The following ANKRD36C variants were observed in gnomAD, a reference collection of about 807,000 sequenced individuals.
ANKRD36C encodes ankyrin repeat domain-containing protein 36C.
ANKRD36C carries 61 observed loss-of-function variants against 276.4 expected under a neutral mutation model. That is an observed-to-expected ratio of 0.22 (90% CI 0.18 to 0.27). The LOEUF (loss-of-function observed/expected upper bound fraction) is 0.27. ANKRD36C is among the 10% of genes least tolerant of loss of function. The probability of loss-of-function intolerance (pLI) is 1.00; values close to 1 mark genes in which losing one functional copy is unlikely to be tolerated. For synonymous variants in ANKRD36C, 483 were observed against 680.1 expected (o/e 0.71, Z 4.51); for missense variants, 1,447 against 2,032.3 (o/e 0.71, Z 5.54).
At chr2:95,922,694 T>A (rs1677303682) in intron 32 of ANKRD36C, among the ~76,000 whole-genome samples, 1 of 151,686 alleles carries the variant, frequency 6.6e-6, no homozygotes, top group Non-Finnish European at 1.5e-5. Context: ...TACTATTCTC[T>A]AAATAATATT....
intron 44 of ANKRD36C, among the ~76,000 whole-genome samples, chr2:95,896,788 T>C (rs1409376757): frequency 6.7e-6 from 1 of 149,516 alleles, no homozygotes; most frequent in Non-Finnish European, 1.5e-5. Context: ...TGACTTCCTC[T>C]TTTCACACCT....
chr2:95,927,344 A>G lies in ANKRD36C; in HGVS notation c.1866+37T>C, dbSNP rs763021086. The G allele has an allele frequency of 5.0e-6, 8 of 1,607,412 alleles. No individual in the cohort carries two copies. The East Asian group carries it at 8.9e-5, about 18-fold the overall frequency. Reference sequence around the variant, plus strand: ...GTAAAGTAGGTTTCATAGACTATACAGTTAATAGTTCAACATATAAATGAG... The same window carrying G: ...GTAAAGTAGGTTTCATAGACTATACGGTTAATAGTTCAACATATAAATGAG... On this transcript the variant is annotated intron_variant, in intron 27 of 66. Transcript: ENST00000456556.
chr2:95,989,424 G>T (rs1011468121), intron 1 of ANKRD36C, among the ~76,000 whole-genome samples: 8 of 152,038 alleles, frequency 5.3e-5, no homozygotes, highest in Non-Finnish European at 1.0e-4. Context: ...TTGTTTGTGT[G>T]TATGTATAAT....
At position 95,987,089 on chromosome 2, in the gene ANKRD36C, T is replaced by C. The variant is rs1479348732; in HGVS notation, c.312+3A>G. The C allele has an allele frequency of 6.5e-7, 1 of 1,528,744 alleles. No homozygotes were observed. 94.7% of individuals were successfully genotyped at this position (1,528,744 alleles called of 1,614,324 possible). A position where few individuals can be genotyped will look rare whatever the true frequency, so the allele number is the denominator to read the frequency against. ...TGCTCAAAAAGAGTCAGCTACTATG[T>C]ACCTTGATCAGAGGTGTCCTGTCTT... On this transcript the variant is annotated splice_donor_region_variant and intron_variant, in intron 2 of 66. Coordinates refer to ENST00000456556, the Ensembl canonical transcript of ANKRD36C.
intron 58 of ANKRD36C, among the ~76,000 whole-genome samples, chr2:95,879,842 A>G (rs868836035): frequency 6.0e-4 from 89 of 147,610 alleles, no homozygotes; most frequent in African/African-American, 2.1e-3. Flanking sequence ...CAAATTGGAA[A>G]CTTCAGAGTA....
rs1017316619 is a variant in ANKRD36C, at chr2:95,910,378, C to T, written c.2653+1866G>A. On this transcript the variant is annotated intron_variant, in intron 42 of 66. Transcript: ENST00000456556. Reference sequence around the variant, plus strand: ...AAATCTGTTTTCAAAATTACCTGTCCTAGATTTTTCTCCATCCTTTTCTTC... The same window carrying T: ...AAATCTGTTTTCAAAATTACCTGTCTTAGATTTTTCTCCATCCTTTTCTTC... The T allele has an allele frequency of 3.9e-6, 6 of 1,539,666 alleles. 1 individual carries two copies. The highest frequency in any genetic ancestry group is 4.9e-5 in the East Asian group (2 of 40,942).
intron 13 of ANKRD36C, among the ~76,000 whole-genome samples, chr2:95,954,888 T>A (rs1678291449): frequency 6.6e-6 from 1 of 152,112 alleles, no homozygotes; most frequent in South Asian, 2.1e-4. Context: ...ATCCCTCTTC[T>A]GCAGGGATCT....
At chr2:95,952,387 G>C (rs1310231912) in intron 14 of ANKRD36C, among the ~76,000 whole-genome samples, 1 of 64 alleles carries the variant, frequency 0.016, no homozygotes, top group Non-Finnish European at 0.025. Context: ...TCTTACTACA[G>C]AGAGAGAGAG....
At chr2:95,948,578 G>T in exon 17 of ANKRD36C, 1 of 1,525,532 alleles carries the variant, frequency 6.6e-7, no homozygotes, top group Non-Finnish European at 8.8e-7. Flanking sequence ...GTGCAAAACG[G>T]TCCAGTAGGT....
intron 48 of ANKRD36C, among the ~76,000 whole-genome samples, chr2:95,888,465 C>T (rs1270972072): frequency 6.6e-6 from 1 of 151,668 alleles, no homozygotes; most frequent in African/African-American, 2.4e-5. Flanking sequence ...AATGTCAAAG[C>T]AGGTTCTACA....
downstream of ANKRD36C, among the ~76,000 whole-genome samples, chr2:95,849,378 G>A (rs2104226006): frequency 6.6e-6 from 1 of 152,268 alleles, no homozygotes; most frequent in East Asian, 1.9e-4. Flanking sequence ...TTCTTGTTAT[G>A]CTTTTAAAAC....
intron 40 of ANKRD36C, among the ~76,000 whole-genome samples, chr2:95,913,774 C>T (rs1049259273): frequency 4.0e-5 from 6 of 151,388 alleles, no homozygotes; most frequent in African/African-American, 1.5e-4. Flanking sequence ...TGTGTAAATT[C>T]TATGCTTCCT....
chr2:95,926,035 T>C (rs1677395267), intron 28 of ANKRD36C, among the ~76,000 whole-genome samples: 1 of 151,566 alleles, frequency 6.6e-6, no homozygotes, highest in South Asian at 2.1e-4. Flanking sequence ...TAGTAGAATG[T>C]ACACTTCACA....
At chr2:95,938,298 TACCAAAGAGTTACAAAAGA>T (rs1638539271) in intron 22 of ANKRD36C, among the ~76,000 whole-genome samples, 1 of 152,308 alleles carries the variant, frequency 6.6e-6, no homozygotes, top group Non-Finnish European at 1.5e-5. Flanking sequence ...ACACTGTATC[TACCAAAGAGTTACAAAAGA>T]ATGATTAATC....
chr2:95,926,074 A>G (rs1677396015), intron 28 of ANKRD36C, among the ~76,000 whole-genome samples: 1 of 151,578 alleles, frequency 6.6e-6, no homozygotes, highest in African/African-American at 2.4e-5. Context: ...CCCAGCTTCA[A>G]CAGCTTGGAT....
At chr2:95,916,253 C>G (rs753958232) in intron 36 of ANKRD36C, 82 bp from the exon 39 acceptor site, 1 of 1,577,728 alleles carries the variant, frequency 6.3e-7, no homozygotes, top group East Asian at 2.3e-5. Context: ...TTAGCATCAA[C>G]CTCTGAACTC....
chr2:95,989,093 T>C (rs1679087215), intron 1 of ANKRD36C, among the ~76,000 whole-genome samples: 3 of 152,096 alleles, frequency 2.0e-5, no homozygotes, highest in Non-Finnish European at 4.4e-5. Flanking sequence ...CACTTGAACC[T>C]GAGAGGCAGA....
intron 16 of ANKRD36C, among the ~76,000 whole-genome samples, chr2:95,949,961 A>G (rs1678154955): frequency 6.6e-6 from 1 of 152,136 alleles, no homozygotes. Context: ...TCAAGAAAAT[A>G]TTATTAAAAT....
At chr2:95,849,730 G>T (rs1675248374), downstream of ANKRD36C, among the ~76,000 whole-genome samples, 1 of 152,206 alleles carries the variant, frequency 6.6e-6, no homozygotes. Flanking sequence ...GTCTCATAAG[G>T]AGCATGTGAC....
Sources: gnomAD v4.1 joint callset for allele counts (sites outside exome capture counted in the v4.1 genomes callset) on GRCh38, gnomAD v4.1.1 for gene constraint, MANE v1.5 for transcripts, NCBI Gene and HGNC (gene_info 2026-07-23, HGNC 2026-07-21) for gene names.